LYPD6: variants seen among roughly 807,000 people sequenced by gnomAD.
LYPD6 encodes LY6/PLAUR domain containing 6.
LYPD6 carries 15 observed loss-of-function variants against 22.7 expected under a neutral mutation model. That is an observed-to-expected ratio of 0.66 (90% CI 0.44 to 1.02). The LOEUF is 1.02. Among genes scored for constraint, LYPD6 ranks in the 50% least tolerant of loss-of-function variants. The pLI is 0.00. For synonymous variants in LYPD6, 72 were observed against 77.5 expected (o/e 0.93, Z 0.37); for missense variants, 189 against 208.4 (o/e 0.91, Z 0.57).
chr2:149,476,903 C>G (rs1188363591), downstream of LYPD6, among the ~76,000 whole-genome samples: 1 of 152,146 alleles, frequency 6.6e-6, no homozygotes, highest in Non-Finnish European at 1.5e-5. Context: ...TAAAGAAGGT[C>G]TGTGAACAAC....
intron 1 of LYPD6, among the ~76,000 whole-genome samples, chr2:149,424,998 A>G (rs551438448): frequency 1.3e-5 from 2 of 152,256 alleles, no homozygotes; most frequent in East Asian, 3.9e-4. Flanking sequence ...AGTCCAGGGC[A>G]TTCCACAGCT....
At chr2:149,483,494 AGTTTCT>A in the LYPD6 span, among the ~76,000 whole-genome samples, 2 of 152,216 alleles carry the variant, frequency 1.3e-5, no homozygotes, top group African/African-American at 4.8e-5. Flanking sequence ...TTCTTTCAGA[AGTTTCT>A]GACTCACTGG....
chr2:149,330,360 C>A (rs892709706), upstream of LYPD6: 2 of 151,266 alleles, frequency 1.3e-5, no homozygotes, highest in African/African-American at 2.4e-5. Context: ...TCCCGCTGGC[C>A]GGAGTTTGCA....
At chr2:149,439,012 GGTAAA>G (rs1403289627) in intron 2 of LYPD6, among the ~76,000 whole-genome samples, 1 of 152,172 alleles carries the variant, frequency 6.6e-6, no homozygotes, top group Non-Finnish European at 1.5e-5. Flanking sequence ...TTTCTAAAGT[GGTAAA>G]GTAATATAAT....
chr2:149,398,533 T>C (rs1019856580), intron 1 of LYPD6, among the ~76,000 whole-genome samples: 1 of 152,070 alleles, frequency 6.6e-6, no homozygotes, highest in Non-Finnish European at 1.5e-5. Flanking sequence ...GGGATGCTGC[T>C]TTCCTTACTT....
At chr2:149,464,960 T>C (rs959534030) in intron 3 of LYPD6, among the ~76,000 whole-genome samples, 2 of 151,870 alleles carry the variant, frequency 1.3e-5, no homozygotes, top group Non-Finnish European at 1.5e-5. Context: ...AGGGAGATAA[T>C]GCGTTGGGTT....
At chr2:149,371,374 G>A (rs945437131) in intron 1 of LYPD6, among the ~76,000 whole-genome samples, 1 of 152,208 alleles carries the variant, frequency 6.6e-6, no homozygotes, top group Admixed American at 6.5e-5. Context: ...AGAATTACTA[G>A]CATGGGATTC....
At chr2:149,405,721 GTC>G (rs1182850352) in intron 1 of LYPD6, among the ~76,000 whole-genome samples, 1 of 151,874 alleles carries the variant, frequency 6.6e-6, no homozygotes, top group African/African-American at 2.4e-5. Flanking sequence ...GGTTTTTTGT[GTC>G]TCTATTTCCT....
At chr2:149,372,602 C>G (rs1436286766) in intron 1 of LYPD6, among the ~76,000 whole-genome samples, 1 of 152,186 alleles carries the variant, frequency 6.6e-6, no homozygotes, top group African/African-American at 2.4e-5. Flanking sequence ...TGTCTTAAAG[C>G]TGGTCTAAAC....
In LYPD6 at chr2:149,399,946, C is replaced by G. The variant is rs565095724; in HGVS notation, c.-71-37692C>G. On this transcript the variant is annotated intron_variant, in intron 1 of 4. Coordinates refer to ENST00000334166, the MANE Select transcript of LYPD6 (RefSeq NM_194317.5). Reference sequence around the variant, plus strand: ...TTGGATGCTCATTTTAAGAAAAACACAGCATTGGCAAAGCTTTGTTGGACC... The same window carrying G: ...TTGGATGCTCATTTTAAGAAAAACAGAGCATTGGCAAAGCTTTGTTGGACC... 4.6e-5 allele frequency among the ~76,000 whole-genome samples: 7 copies of G among 152,298 alleles called. No homozygotes were observed. The East Asian group carries it at 1.2e-3, about 25-fold the overall frequency.
intron 1 of LYPD6, among the ~76,000 whole-genome samples, chr2:149,351,482 G>C (rs980331523): frequency 6.6e-6 from 1 of 151,730 alleles, no homozygotes; most frequent in South Asian, 2.1e-4. Context: ...GTAGATGTTA[G>C]AGGCAGCATT....
intron 1 of LYPD6, among the ~76,000 whole-genome samples, chr2:149,349,155 T>C (rs1338459751): frequency 6.6e-6 from 1 of 152,124 alleles, no homozygotes; most frequent in Non-Finnish European, 1.5e-5. Context: ...GTTGGGAATA[T>C]GAATATTAAT....
intron 3 of LYPD6, among the ~76,000 whole-genome samples, chr2:149,450,876 T>G (rs993730379): frequency 1.3e-5 from 2 of 152,222 alleles, no homozygotes; most frequent in African/African-American, 4.8e-5. Flanking sequence ...CAACCAAATT[T>G]AAGAACCATC....
At chr2:149,456,220 T>C (rs1342102207) in intron 3 of LYPD6, among the ~76,000 whole-genome samples, 1 of 152,240 alleles carries the variant, frequency 6.6e-6, no homozygotes, top group Non-Finnish European at 1.5e-5. Context: ...TTCATCCTTT[T>C]CTTGAGTCTA....
chr2:149,348,061 C>CAAAAAAA (rs58228847), intron 1 of LYPD6, among the ~76,000 whole-genome samples: 198 of 76,684 alleles, frequency 2.6e-3, no homozygotes, highest in African/African-American at 7.0e-3. Context: ...ACTAAAAATA[C>CAAAAAAA]AAAAAAAAAA....
At chr2:149,330,586 C>T (rs1226351212), upstream of LYPD6, 4 of 151,340 alleles carry the variant, frequency 2.6e-5, no homozygotes, top group African/African-American at 2.4e-5. Context: ...CGCTGCGCTC[C>T]CTCGCTCCTT....
chr2:149,379,119 C>A (rs1374976164), intron 1 of LYPD6, among the ~76,000 whole-genome samples: 1 of 152,150 alleles, frequency 6.6e-6, no homozygotes, highest in Non-Finnish European at 1.5e-5. Context: ...TGTGTTGGTT[C>A]AAGCAGGCAG....
intron 1 of LYPD6, among the ~76,000 whole-genome samples, chr2:149,425,212 G>C (rs1683164608): frequency 6.6e-6 from 1 of 152,182 alleles, no homozygotes; most frequent in African/African-American, 2.4e-5. Context: ...TTGGTTCTAA[G>C]GATGGCACAT....
chr2:149,394,772 A>G (rs974076075), intron 1 of LYPD6, among the ~76,000 whole-genome samples: 2 of 152,000 alleles, frequency 1.3e-5, no homozygotes, highest in Non-Finnish European at 2.9e-5. Context: ...CCTTCCGTTG[A>G]TACTCACTCC....
Sources: allele counts gnomAD v4.1 joint callset (sites outside exome capture counted in the v4.1 genomes callset), GRCh38; gene constraint gnomAD v4.1.1; transcripts MANE v1.5; gene names NCBI Gene and HGNC (gene_info 2026-07-23, HGNC 2026-07-21).